The following CPAMD8 variants were observed in gnomAD, a reference collection of about 807,000 sequenced individuals.
CPAMD8 encodes the protein C3 and PZP-like alpha-2-macroglobulin domain-containing protein 8.
A neutral mutation model predicts 224.7 loss-of-function variants in CPAMD8; 146 were observed. The ratio of observed to expected loss-of-function variants is 0.65; its 90% confidence interval spans 0.57 to 0.75. The LOEUF (loss-of-function observed/expected upper bound fraction) is 0.75. CPAMD8 is among the 30% of genes least tolerant of loss of function. CPAMD8 has a pLI of 0.00. For synonymous variants in CPAMD8, 966 were observed against 1,044.6 expected, an observed-to-expected ratio of 0.92 and a Z score of 1.45; for missense variants, 2,301 against 2,537.5, an observed-to-expected ratio of 0.91 and a Z score of 2.00.
In CPAMD8 at chr19:16,952,041, G is replaced by T; in HGVS notation, c.2436C>A (p.Pro812=). ...FKPFFVDFML[P]ALIIRGEQVK... The stretch of plus-strand genomic sequence containing the variant: ...CCTGCTCCCCACGGATGATGAGAGC[G>T]GGGAGCATGAAGTCCACGAAGAAGG... Residue 812 remains proline, a synonymous_variant, in exon 20 of 42, where the codon CCC becomes CCA. Coordinates refer to ENST00000443236, the MANE Select transcript of CPAMD8 (RefSeq NM_015692.5). 6.3e-7 allele frequency: 1 copy of T among 1,582,560 alleles called. No individual in the cohort carries two copies. The highest frequency in any genetic ancestry group is 2.3e-5 in the East Asian group (1 of 43,596).
rs1291369221 is a variant in CPAMD8 at position 16,901,216 on chromosome 19, C to G, written c.4767G>C (p.Leu1589=). The change falls in exon 36 of 42, where the codon CTG becomes CTC. Residue 1589 remains leucine (L), a synonymous_variant. Coordinates refer to ENST00000443236, the MANE Select transcript of CPAMD8 (RefSeq NM_015692.5). The part of the protein sequence containing the change: ...LSGFRADIES[L]EQLLLDKHMG... ...CTCACCGGCGCTGCCTCACCTGCTC[C>G]AGGCTCTCGATGTCTGCCCGGAAGC... is the stretch of plus-strand genomic sequence containing the variant. 6.2e-7 allele frequency: 1 copy of G among 1,609,216 alleles called. No individual in the cohort carries two copies. The highest frequency in any genetic ancestry group is 1.7e-5 in the Admixed American group (1 of 59,464).
At chr19:17,007,150 A>G (rs2056514189) in intron 7 of CPAMD8, among the ~76,000 whole-genome samples, 1 of 152,034 alleles carries the variant, frequency 6.6e-6, no homozygotes, top group African/African-American at 2.4e-5. Context: ...CCTGGCCAAC[A>G]TGGTGAAACC....
intron 18 of CPAMD8, among the ~76,000 whole-genome samples, 195 bp from the exon 19 acceptor site, chr19:16,958,110 G>C (rs937389259): frequency 3.9e-5 from 6 of 152,126 alleles, no homozygotes; most frequent in Non-Finnish European, 8.8e-5. Context: ...ACTTGATTAG[G>C]ACATAACTTG....
chr19:17,019,943 C>G (rs537401349), intron 3 of CPAMD8, among the ~76,000 whole-genome samples: 2 of 149,348 alleles, frequency 1.3e-5, no homozygotes, highest in South Asian at 4.2e-4. Context: ...TATTCCATCC[C>G]AATTCAATTC....
At chr19:16,931,454 G>C (rs923447076) in intron 23 of CPAMD8, among the ~76,000 whole-genome samples, 1 of 152,144 alleles carries the variant, frequency 6.6e-6, no homozygotes, top group Non-Finnish European at 1.5e-5. Context: ...TACCCAGCCT[G>C]TCACAGCCAC....
At chr19:16,936,534 C>A (rs901889440) in intron 23 of CPAMD8, among the ~76,000 whole-genome samples, 1 of 152,086 alleles carries the variant, frequency 6.6e-6, no homozygotes, top group Non-Finnish European at 1.5e-5. Context: ...TCCTAAGTAG[C>A]TGGGACCACA....
At chr19:16,921,505 C>T (rs11086041) in intron 27 of CPAMD8, among the ~76,000 whole-genome samples, 4 of 151,886 alleles carry the variant, frequency 2.6e-5, no homozygotes, top group African/African-American at 4.8e-5. Flanking sequence ...TGCTCCTGCA[C>T]ACAGCACACC....
intron 16 of CPAMD8, 59 bp from the exon 17 acceptor site, chr19:16,975,317 G>A: frequency 1.4e-6 from 2 of 1,422,816 alleles, no homozygotes; most frequent in Non-Finnish European, 1.9e-6. Flanking sequence ...ACCCAAACTG[G>A]CTCCCGTGGG....
At position 16,923,754 on chromosome 19, in the gene CPAMD8, G is replaced by A. The variant is rs994458927; in HGVS notation, c.3547+1442C>T. 4.6e-5 allele frequency among the ~76,000 whole-genome samples: 7 copies of A among 152,166 alleles called. No homozygotes were observed. The East Asian group carries it at 5.8e-4, about 13-fold the overall frequency. ...CAAGGTGAGAGGATCACTTGAGGCC[G>A]GGAGTTCAAGACCAGCCTGGACAAC... On this transcript the variant is annotated intron_variant, in intron 26 of 41. Transcript: ENST00000443236.
At chr19:17,009,345 G>T in intron 5 of CPAMD8, 25 bp from the exon 6 acceptor site, 1 of 1,614,048 alleles carries the variant, frequency 6.2e-7, no homozygotes, top group Non-Finnish European at 8.5e-7. Context: ...CAGATGCAGT[G>T]AGCAAATCTT....
Position 17,022,139 on chromosome 19 carries a change from C to T in CPAMD8, c.135G>A (p.Val45=), listed in dbSNP as rs563428067. The change falls in exon 2 of 42, where the codon GTG becomes GTA. Residue 45 remains valine, a synonymous_variant. Transcript: ENST00000443236. ...IAAPSVFRAG[V]EEVISVTIFN... is the part of the protein sequence containing the mutation. ...AGATGGTCACGCTGATGACTTCCTCCACGCCCGCGCGAAAAACAGAGGGAG... is the reference window on the plus strand; with the variant it reads ...AGATGGTCACGCTGATGACTTCCTCTACGCCCGCGCGAAAAACAGAGGGAG... The T allele has an allele frequency of 6.0e-5, 97 of 1,609,430 alleles. No homozygotes were observed. Among genetic ancestry groups the T allele is most frequent in the Non-Finnish European group, 8.0e-5 (94 of 1,177,844 alleles).
At chr19:16,980,076 C>T (rs1396523148) in intron 14 of CPAMD8, among the ~76,000 whole-genome samples, 3 of 152,012 alleles carry the variant, frequency 2.0e-5, no homozygotes, top group African/African-American at 7.3e-5. Context: ...GTTGGGGACC[C>T]TGTATTGAGA....
At chr19:16,944,004 C>T (rs1255105386) in intron 22 of CPAMD8, among the ~76,000 whole-genome samples, 2 of 152,172 alleles carry the variant, frequency 1.3e-5, no homozygotes, top group African/African-American at 2.4e-5. Context: ...GATCTTAGTC[C>T]CCTTGCAGGC....
At chr19:16,929,743 A>G (rs1568488155) in intron 23 of CPAMD8, among the ~76,000 whole-genome samples, 1 of 152,214 alleles carries the variant, frequency 6.6e-6, no homozygotes, top group East Asian at 1.9e-4. Flanking sequence ...ATGCTCAGGG[A>G]TAAATCTGAC....
chr19:16,921,245 A>C (rs2053162320), intron 27 of CPAMD8, among the ~76,000 whole-genome samples: 1 of 152,106 alleles, frequency 6.6e-6, no homozygotes, highest in Non-Finnish European at 1.5e-5. Flanking sequence ...TGTTGGACTA[A>C]AGACAGGGCA....
chr19:16,932,406 G>A (rs56854834), intron 23 of CPAMD8, among the ~76,000 whole-genome samples: 3,875 of 152,232 alleles, frequency 0.025, 159 homozygotes, highest in African/African-American at 0.089. Context: ...GGGCAACAGA[G>A]TGAGATCCTG....
intron 3 of CPAMD8, among the ~76,000 whole-genome samples, chr19:17,015,477 C>T (rs555375126): frequency 6.6e-6 from 1 of 152,200 alleles, no homozygotes; most frequent in East Asian, 1.9e-4. Context: ...CTCTCTGAAG[C>T]CACACGGGGT....
intron 35 of CPAMD8, among the ~76,000 whole-genome samples, chr19:16,901,971 G>A (rs1021200498): frequency 1.3e-5 from 2 of 152,084 alleles, no homozygotes; most frequent in African/African-American, 4.8e-5. Context: ...GATGGGCTGC[G>A]AGTGTCATGG....
chr19:16,951,881 T>C (rs2054307265), intron 20 of CPAMD8, 88 bp downstream of exon 20: 1 of 823,072 alleles, frequency 1.2e-6, no homozygotes, highest in East Asian at 2.8e-5. Context: ...AAGCTGACAC[T>C]GTCCCACCCC....
Sources: gnomAD v4.1 joint callset for allele counts (sites outside exome capture counted in the v4.1 genomes callset) on GRCh38, gnomAD v4.1.1 for gene constraint, MANE v1.5 for transcripts, NCBI Gene and HGNC (gene_info 2026-07-23, HGNC 2026-07-21) for gene names.